The following IFT52 variants were observed in gnomAD, a reference collection of about 807,000 sequenced individuals.
The protein encoded by IFT52 is intraflagellar transport protein 52 homolog.
In IFT52, 44 loss-of-function variants were observed where a neutral mutation model predicts 54.4. That is an observed-to-expected ratio of 0.81 (90% CI 0.63 to 1.04). The LOEUF is 1.04. IFT52 is among the 50% of genes least tolerant of loss of function. The probability of loss-of-function intolerance (pLI) is 0.00; values close to 1 mark genes in which losing one functional copy is unlikely to be tolerated. For synonymous variants in IFT52, 181 were observed against 185.3 expected (o/e 0.98, Z 0.19); for missense variants, 452 against 523.6 (o/e 0.86, Z 1.33).
At chr20:43,614,552 A>G (rs1983714075) in intron 7 of IFT52, among the ~76,000 whole-genome samples, 2 of 148,748 alleles carry the variant, frequency 1.3e-5, no homozygotes, top group Admixed American at 6.7e-5. Context: ...TTTTGATCCC[A>G]TGGCAGCATA....
Position 43,590,947 on chromosome 20 carries a change from CCACGCCTCCCGGCGCACCGA to C in IFT52, c.-112_-93del, listed in dbSNP as rs1344945045. The C allele has an allele frequency of 1.3e-5, 2 of 152,402 alleles. No individual in the cohort carries two copies. The highest frequency in any genetic ancestry group is 4.8e-5 in the African/African-American group (2 of 41,594). 9.4% of individuals were successfully genotyped at this position (152,402 alleles called of 1,614,324 possible). ...GCCGGAGCTAGCGCTGCGTCCTGGG[CCACGCCTCCCGGCGCACCGA>C]CGCGCCTCTCCGGTTACTAAGCGGC... is the stretch of plus-strand genomic sequence containing the variant. On this transcript the variant is annotated 5_prime_UTR_variant, in exon 1 of 14. Transcript: ENST00000373030.
At chr20:43,611,599 G>A (rs556036048) in intron 6 of IFT52, among the ~76,000 whole-genome samples, 13 of 149,190 alleles carry the variant, frequency 8.7e-5, no homozygotes, top group Admixed American at 3.4e-4. Context: ...CACCACACCC[G>A]GCTAAGTTTT....
Position 43,643,878 on chromosome 20 carries a change from A to C in IFT52, c.1266+1254A>C, listed in dbSNP as rs1211918167. Among the ~76,000 whole-genome samples the C allele has an allele frequency of 2.7e-4, 16 of 58,290 alleles. 7 individuals are homozygous for C. The highest frequency in any genetic ancestry group is 7.0e-4 in the African/African-American group (14 of 20,130). The allele number at this position is 58,290 out of a possible 152,430, so 38.2% of individuals were successfully genotyped here. A position where few individuals can be genotyped will look rare whatever the true frequency, so the allele number is the denominator to read the frequency against. ...GCAATTGGGAGCCCAAGGCGGGCAG[A>C]TCACAAAGTCAAGAGATTGAGACCA... On this transcript the variant is annotated intron_variant, in intron 13 of 13. Coordinates refer to ENST00000373030, the MANE Select transcript of IFT52 (RefSeq NM_016004.5).
chr20:43,604,184 T>C lies in IFT52; in HGVS notation c.339T>C (p.Asp113=). Residue 113 remains aspartate (D), a splice_region_variant and synonymous_variant, in exon 5 of 14, where the codon GAT becomes GAC. Coordinates refer to ENST00000373030, the MANE Select transcript of IFT52 (RefSeq NM_016004.5). ...LEEYGIMVNN[D]AVVRNVYHKY... is the part of the protein sequence containing the mutation. ...CCTCCTTCTCTTTTTCCCTCATAGATGCTGTGGTTAGAAATGTATATCACA... is the reference window on the plus strand; with the variant it reads ...CCTCCTTCTCTTTTTCCCTCATAGACGCTGTGGTTAGAAATGTATATCACA... The C allele has an allele frequency of 6.2e-7, 1 of 1,602,400 alleles. No individual in the cohort carries two copies. Among genetic ancestry groups the C allele is most frequent in the Non-Finnish European group, 8.6e-7 (1 of 1,169,298 alleles).
intron 6 of IFT52, among the ~76,000 whole-genome samples, chr20:43,610,434 C>T (rs2145614042): frequency 6.6e-6 from 1 of 151,882 alleles, no homozygotes; most frequent in African/African-American, 2.4e-5. Context: ...ATATTTTTGA[C>T]TGTCAAGAAT....
chr20:43,591,861 A>G (rs1490524031), intron 1 of IFT52, among the ~76,000 whole-genome samples: 1 of 152,186 alleles, frequency 6.6e-6, no homozygotes, highest in Non-Finnish European at 1.5e-5. Context: ...ATCAAAAGGA[A>G]ACCCTGTCTC....
chr20:43,605,991 C>T (rs1982839941), intron 6 of IFT52, among the ~76,000 whole-genome samples: 1 of 152,004 alleles, frequency 6.6e-6, no homozygotes, highest in African/African-American at 2.4e-5. Flanking sequence ...GTGGCCAAGG[C>T]GAGTGGATCA....
intron 8 of IFT52, 125 bp downstream of exon 8, chr20:43,619,151 C>A (rs955820983): frequency 1.5e-5 from 10 of 672,566 alleles, no homozygotes; most frequent in Non-Finnish European, 2.3e-5. Context: ...ATGCCAGGCA[C>A]TGAGAATACA....
chr20:43,622,696 TATAA>T (rs1326690914), intron 9 of IFT52, among the ~76,000 whole-genome samples: 1 of 147,314 alleles, frequency 6.8e-6, no homozygotes, highest in Non-Finnish European at 1.5e-5. Context: ...TTTATGTAAA[TATAA>T]ATATATACAT....
At chr20:43,604,334 C>A in intron 5 of IFT52, 76 bp downstream of exon 5, 1 of 1,046,726 alleles carries the variant, frequency 9.6e-7, no homozygotes, top group Non-Finnish European at 1.5e-6. Flanking sequence ...TTTGGGAAGC[C>A]AAGGTGGATG....
chr20:43,591,658 G>A (rs1485339075), intron 1 of IFT52, among the ~76,000 whole-genome samples: 2 of 152,096 alleles, frequency 1.3e-5, no homozygotes, highest in African/African-American at 4.8e-5. Flanking sequence ...TGTGAAAGTA[G>A]CCAGGAAAAT....
intron 6 of IFT52, among the ~76,000 whole-genome samples, chr20:43,606,161 C>G (rs998928915): frequency 6.6e-6 from 1 of 150,676 alleles, no homozygotes; most frequent in Non-Finnish European, 1.5e-5. Context: ...GTGGAGGTTG[C>G]ATTGAGCTGC....
chr20:43,636,480 T>G (rs1205158966), intron 11 of IFT52, among the ~76,000 whole-genome samples: 1 of 152,228 alleles, frequency 6.6e-6, no homozygotes, highest in African/African-American at 2.4e-5. Context: ...TGAAATGTTA[T>G]GAGCCAGTTA....
In IFT52 at chr20:43,635,375, C is replaced by T. The variant is rs962199274; in HGVS notation, c.924-551C>T. On this transcript the variant is annotated intron_variant, in intron 10 of 13. Transcript: ENST00000373030. ...GCACGATCTCTGCTCACTGTAACCTCCGCCTCTTTGGTTCAAGCGATTTTC... is the reference window on the plus strand; with the variant it reads ...GCACGATCTCTGCTCACTGTAACCTTCGCCTCTTTGGTTCAAGCGATTTTC... 2.0e-5 allele frequency among the ~76,000 whole-genome samples: 3 copies of T among 152,176 alleles called. 1 individual carries two copies. Among genetic ancestry groups the T allele is most frequent in the African/African-American group, 2.4e-5 (1 of 41,546 alleles).
intron 3 of IFT52, among the ~76,000 whole-genome samples, chr20:43,600,263 G>A (rs1982318415): frequency 1.3e-5 from 2 of 151,820 alleles, no homozygotes; most frequent in Admixed American, 1.3e-4. Flanking sequence ...TGTCGGTGAT[G>A]TGATTTTTCC....
intron 6 of IFT52, among the ~76,000 whole-genome samples, chr20:43,605,667 A>T (rs1291264528): frequency 6.6e-6 from 1 of 152,184 alleles, no homozygotes; most frequent in African/African-American, 2.4e-5. Flanking sequence ...CAGTTTATCT[A>T]ACCAACTCCC....
intron 5 of IFT52, among the ~76,000 whole-genome samples, chr20:43,604,773 C>A (rs572958987): frequency 2.6e-5 from 4 of 151,844 alleles, no homozygotes; most frequent in South Asian, 2.1e-4. Context: ...TTGAAACTTA[C>A]TTCACATTCA....
At chr20:43,631,145 T>A (rs1985140922) in intron 10 of IFT52, among the ~76,000 whole-genome samples, 2 of 152,214 alleles carry the variant, frequency 1.3e-5, no homozygotes, top group South Asian at 4.1e-4. Context: ...TGATCTTGCC[T>A]TTGTCCCATC....
intron 7 of IFT52, 37 bp from the exon 8 acceptor site, chr20:43,618,903 C>T (rs774995740): frequency 9.1e-5 from 129 of 1,412,866 alleles, no homozygotes; most frequent in Non-Finnish European, 1.2e-4. Flanking sequence ...GATGCACTTT[C>T]GGATTTGAGT....
Sources: gnomAD v4.1 joint callset for allele counts (sites outside exome capture counted in the v4.1 genomes callset) on GRCh38, gnomAD v4.1.1 for gene constraint, MANE v1.5 for transcripts, NCBI Gene and HGNC (gene_info 2026-07-23, HGNC 2026-07-21) for gene names.